Variants in CDH13 observed in about 807,000 individuals in gnomAD.
The protein encoded by CDH13 is cadherin 13.
Under a neutral mutation model 63.8 loss-of-function variants are expected in CDH13, and 24 were observed. The observed-to-expected ratio is 0.38, with a 90% CI of 0.27 to 0.53. The LOEUF (loss-of-function observed/expected upper bound fraction) is 0.53, where lower values mean the gene tolerates loss of function less well. Ranked by LOEUF, CDH13 falls within the 20% of genes least tolerant of loss-of-function variation. The pLI, the probability that CDH13 is intolerant of heterozygous loss-of-function variation, is 0.85. For synonymous variants in CDH13, 503 were observed against 355.3 expected, an observed-to-expected ratio of 1.42 and a Z score of -4.67; for missense variants, 1,049 against 903.1, an observed-to-expected ratio of 1.16 and a Z score of -2.07.
intron 1 of CDH13, among the ~76,000 whole-genome samples, chr16:82,720,714 A>G (rs1409734579): frequency 6.6e-6 from 1 of 152,070 alleles, no homozygotes; most frequent in Non-Finnish European, 1.5e-5. Flanking sequence ...ATAAAACAAC[A>G]TTGAAGAAAA....
At chr16:82,722,807 A>C (rs759186370) in intron 1 of CDH13, among the ~76,000 whole-genome samples, 1 of 152,328 alleles carries the variant, frequency 6.6e-6, no homozygotes, top group East Asian at 1.9e-4. Flanking sequence ...ATGCAGATAC[A>C]TACATATAAG....
intron 4 of CDH13, among the ~76,000 whole-genome samples, chr16:83,129,831 T>C (rs1276759349): frequency 6.6e-6 from 1 of 152,222 alleles, no homozygotes; most frequent in Non-Finnish European, 1.5e-5. Flanking sequence ...AGGGCACTGA[T>C]CCCTTCTGCT....
Position 82,651,865 on chromosome 16 carries a change from G to A in CDH13, c.45+24728G>A, listed in dbSNP as rs117337034. Among the ~76,000 whole-genome samples the A allele has an allele frequency of 4.7e-3, 720 of 152,292 alleles. 4 individuals carry two copies. The highest frequency in any genetic ancestry group is 0.015 in the South Asian group (73 of 4,826). On this transcript the variant is annotated intron_variant, in intron 1 of 13. Coordinates refer to ENST00000567109, the MANE Select transcript of CDH13 (RefSeq NM_001257.5). ...GTCTTGGACCTTGGGATTTAGGACG[G>A]GCTATTGACATTAACAGTTGGATAG...
At chr16:83,411,325 C>G (rs1403684453) in intron 6 of CDH13, among the ~76,000 whole-genome samples, 3 of 152,164 alleles carry the variant, frequency 2.0e-5, no homozygotes, top group African/African-American at 7.2e-5. Context: ...TTCCATTAAA[C>G]CTCCCACTTT....
chr16:83,089,187 G>A (rs2033768870), intron 3 of CDH13, among the ~76,000 whole-genome samples: 1 of 152,196 alleles, frequency 6.6e-6, no homozygotes, highest in African/African-American at 2.4e-5. Context: ...CAGATGTAGA[G>A]GATCAGGCTC....
At chr16:82,851,147 A>G (rs148968047) in intron 1 of CDH13, among the ~76,000 whole-genome samples, 95 of 152,262 alleles carry the variant, frequency 6.2e-4, no homozygotes, top group African/African-American at 2.2e-3. Context: ...TGTGAAAGCA[A>G]CAATAGGGCC....
intron 4 of CDH13, among the ~76,000 whole-genome samples, chr16:83,129,067 C>G (rs927101955): frequency 6.6e-6 from 1 of 152,112 alleles, no homozygotes; most frequent in African/African-American, 2.4e-5. Flanking sequence ...CTGTCTTACT[C>G]TTTATATCTC....
intron 2 of CDH13, among the ~76,000 whole-genome samples, chr16:82,937,355 A>C (rs1348235626): frequency 1.3e-5 from 2 of 151,880 alleles, no homozygotes; most frequent in African/African-American, 2.4e-5. Flanking sequence ...CTTTAAATGA[A>C]GCTATTTTTT....
At chr16:82,894,342 A>G (rs773063569) in intron 2 of CDH13, among the ~76,000 whole-genome samples, 9 of 152,202 alleles carry the variant, frequency 5.9e-5, no homozygotes, top group Non-Finnish European at 1.2e-4. Context: ...TGGGCCAGAC[A>G]GTGCCTTAAC....
At chr16:83,464,921 G>A (rs1255389905) in intron 6 of CDH13, among the ~76,000 whole-genome samples, 2 of 152,158 alleles carry the variant, frequency 1.3e-5, no homozygotes, top group African/African-American at 2.4e-5. Context: ...GAGATTACAG[G>A]CATGAGCCAC....
At chr16:83,544,164 C>T (rs2075341906) in intron 7 of CDH13, among the ~76,000 whole-genome samples, 1 of 152,178 alleles carries the variant, frequency 6.6e-6, no homozygotes, top group South Asian at 2.1e-4. Flanking sequence ...GAGGTGAGAA[C>T]TATTACAGTC....
intron 5 of CDH13, among the ~76,000 whole-genome samples, chr16:83,296,690 G>C (rs1024853087): frequency 1.3e-5 from 2 of 152,158 alleles, no homozygotes; most frequent in African/African-American, 4.8e-5. Context: ...TTTTATGACA[G>C]GCAGGGTTAA....
chr16:83,609,799 G>C (rs1233407619), intron 8 of CDH13, among the ~76,000 whole-genome samples: 2 of 152,172 alleles, frequency 1.3e-5, no homozygotes, highest in African/African-American at 4.8e-5. Context: ...CAGAGTTGTC[G>C]AATTATCATT....
At position 83,028,024 on chromosome 16, in the gene CDH13, C is replaced by G. The variant is rs552360811; in HGVS notation, c.158-3986C>G. Reference sequence around the variant, plus strand: ...AGGAAGAAAGGGTGGGAAGAAGAAACTTAGCTGGGAATCCAGAACCCCCAC... The same window carrying G: ...AGGAAGAAAGGGTGGGAAGAAGAAAGTTAGCTGGGAATCCAGAACCCCCAC... On this transcript the variant is annotated intron_variant, in intron 2 of 13. Coordinates refer to ENST00000567109, the MANE Select transcript of CDH13 (RefSeq NM_001257.5). Among the ~76,000 whole-genome samples, 14 of 152,224 alleles carry G rather than the reference C, an allele frequency of 9.2e-5. No individual in the cohort carries two copies. In the South Asian group the frequency reaches 1.7e-3, roughly 18 times the overall value.
intron 10 of CDH13, among the ~76,000 whole-genome samples, chr16:83,687,086 G>C (rs183559051): frequency 6.6e-6 from 1 of 152,106 alleles, no homozygotes. Flanking sequence ...GGTGGTGCTT[G>C]CCTGTAGTCC....
At chr16:83,154,720 C>T (rs1224241206) in intron 4 of CDH13, among the ~76,000 whole-genome samples, 2 of 152,180 alleles carry the variant, frequency 1.3e-5, no homozygotes, top group African/African-American at 4.8e-5. Flanking sequence ...TAATTAGACA[C>T]AGACCCTGCC....
At chr16:83,275,552 G>A (rs1368231367) in intron 5 of CDH13, among the ~76,000 whole-genome samples, 3 of 137,324 alleles carry the variant, frequency 2.2e-5, no homozygotes, top group Non-Finnish European at 3.1e-5. Flanking sequence ...GAGAGATGGA[G>A]AAGATGCAGG....
intron 5 of CDH13, among the ~76,000 whole-genome samples, chr16:83,229,649 A>C (rs2039947859): frequency 6.6e-6 from 1 of 152,156 alleles, no homozygotes. Context: ...GTGAGGCATT[A>C]GGTAGTAAAA....
At chr16:83,026,699 G>C (rs1396581784) in intron 2 of CDH13, among the ~76,000 whole-genome samples, 1 of 152,172 alleles carries the variant, frequency 6.6e-6, no homozygotes, top group Non-Finnish European at 1.5e-5. Flanking sequence ...GCTGAAAGGA[G>C]GTATGGACTT....
Sources: gnomAD v4.1 joint callset for allele counts (sites outside exome capture counted in the v4.1 genomes callset) on GRCh38, gnomAD v4.1.1 for gene constraint, MANE v1.5 for transcripts, NCBI Gene and HGNC (gene_info 2026-07-23, HGNC 2026-07-21) for gene names.